Variants in AAK1 observed in about 807,000 individuals in gnomAD.
AAK1 encodes the protein AP2 associated kinase 1.
A neutral mutation model predicts 116.0 loss-of-function variants in AAK1; 37 were observed. The ratio of observed to expected loss-of-function variants is 0.32; its 90% CI spans 0.25 to 0.42. The LOEUF (loss-of-function observed/expected upper bound fraction) is 0.42, where lower values mean the gene tolerates loss of function less well. Ranked by LOEUF, AAK1 falls within the 10% of genes least tolerant of loss-of-function variation. The pLI is 1.00. For missense variants in AAK1, 919 were observed against 1,170.6 expected, an observed-to-expected ratio of 0.79 and a Z score of 3.14; for synonymous variants, 458 against 439.9, an observed-to-expected ratio of 1.04 and a Z score of -0.51.
At chr2:69,623,919 G>A (rs1236759544) in intron 2 of AAK1, among the ~76,000 whole-genome samples, 1 of 152,098 alleles carries the variant, frequency 6.6e-6, no homozygotes, top group African/African-American at 2.4e-5. Context: ...TCTTAAATAT[G>A]TAAAGAACTC....
chr2:69,476,348 G>C (rs770318905), intron 21 of AAK1, among the ~76,000 whole-genome samples: 2 of 152,040 alleles, frequency 1.3e-5, no homozygotes, highest in Non-Finnish European at 2.9e-5. Flanking sequence ...TTTGCTTTGG[G>C]GAGAAACTAG....
intron 3 of AAK1, among the ~76,000 whole-genome samples, chr2:69,553,437 G>GTTTTTTTTTTT (rs70954350): frequency 2.5e-5 from 2 of 79,598 alleles, no homozygotes; most frequent in African/African-American, 1.1e-4. Flanking sequence ...ATTGAAAGTT[G>GTTTTTTTTTTT]TTTTTTTTTT....
At chr2:69,570,374 A>T (rs1290772502) in intron 2 of AAK1, among the ~76,000 whole-genome samples, 2 of 151,642 alleles carry the variant, frequency 1.3e-5, no homozygotes, top group East Asian at 3.9e-4. Context: ...AGTCACCCAA[A>T]TTTTCAGATT....
chr2:69,532,027 G>A lies in AAK1; in HGVS notation c.656+14C>T. The A allele has an allele frequency of 1.2e-6, 2 of 1,612,284 alleles. No homozygotes were observed. The highest frequency in any genetic ancestry group is 1.1e-5 in the South Asian group (1 of 91,028). On this transcript the variant is annotated intron_variant, in intron 6 of 21. Transcript: ENST00000409085. ...GATTGTGGACAAAACTCCATGAAAGGAGAAAAAGCTTACTTCTTAATCTCA... is the reference window on the plus strand; with the variant it reads ...GATTGTGGACAAAACTCCATGAAAGAAGAAAAAGCTTACTTCTTAATCTCA...
chr2:69,541,378 G>A (rs967921630), intron 5 of AAK1, among the ~76,000 whole-genome samples: 3 of 151,788 alleles, frequency 2.0e-5, no homozygotes, highest in African/African-American at 7.3e-5. Context: ...CTATAGGCAT[G>A]CGCTACTACA....
chr2:69,567,079 T>A (rs1198052410), intron 2 of AAK1, among the ~76,000 whole-genome samples: 14 of 152,232 alleles, frequency 9.2e-5, no homozygotes, highest in Non-Finnish European at 5.9e-5. Flanking sequence ...ACCTAGCTCA[T>A]ACACCTCCAC....
chr2:69,471,097 C>CTATG lies in AAK1; in HGVS notation c.*4768_*4771dup. On this transcript the variant is annotated 3_prime_UTR_variant, in exon 22 of 22. Transcript: ENST00000409085. Reference sequence around the variant, plus strand: ...TTCTTGGGAAGGACGCGTTAAAGACCTATGATAAACACACATCCACATGAC... The same window carrying CTATG: ...TTCTTGGGAAGGACGCGTTAAAGACCTATGTATGATAAACACACATCCACATGAC... The CTATG allele has an allele frequency of 1.0e-6, 1 of 985,748 alleles. No individual in the cohort carries two copies. The highest frequency in any genetic ancestry group is 1.2e-6 in the Non-Finnish European group (1 of 829,920). 61.1% of individuals were successfully genotyped at this position (985,748 alleles called of 1,614,324 possible).
Position 69,530,624 on chromosome 2 carries a change from C to A in AAK1, c.738+1G>T. On this transcript the variant is annotated splice_donor_variant, in intron 7 of 21. Coordinates refer to ENST00000409085, the MANE Select transcript of AAK1 (RefSeq NM_014911.5). LOFTEE classifies it high-confidence loss of function. ...GTATGGATAGGTTACCTGACACCTACCCAAATGTCTGCCTTCGTAGTGATG... is the reference window on the plus strand; with the variant it reads ...GTATGGATAGGTTACCTGACACCTAACCAAATGTCTGCCTTCGTAGTGATG... 1 of 1,612,278 alleles carries A rather than the reference C, an allele frequency of 6.2e-7. No homozygotes were observed. The highest frequency in any genetic ancestry group is 8.5e-7 in the Non-Finnish European group (1 of 1,178,430).
intron 2 of AAK1, among the ~76,000 whole-genome samples, chr2:69,612,209 G>A (rs535919303): frequency 6.6e-6 from 1 of 152,008 alleles, no homozygotes; most frequent in East Asian, 1.9e-4. Context: ...CTGTTAGAGA[G>A]AAAAAAAATA....
intron 2 of AAK1, among the ~76,000 whole-genome samples, chr2:69,600,771 A>G (rs1284978167): frequency 8.5e-5 from 13 of 152,334 alleles, no homozygotes; most frequent in Non-Finnish European, 2.9e-5. Context: ...AATGCTATCA[A>G]ACAGGATCAA....
intron 16 of AAK1, among the ~76,000 whole-genome samples, chr2:69,504,434 G>A (rs530113704): frequency 3.1e-4 from 45 of 143,702 alleles, no homozygotes; most frequent in African/African-American, 1.1e-3. Context: ...GCATATCAGA[G>A]TCTCAGAGTC....
At chr2:69,531,390 G>T (rs1247117488) in intron 6 of AAK1, among the ~76,000 whole-genome samples, 1 of 152,172 alleles carries the variant, frequency 6.6e-6, no homozygotes, top group Non-Finnish European at 1.5e-5. Context: ...GGTGACGCAT[G>T]AAAGGACAGA....
rs1349750853 is a variant in AAK1 at position 69,459,313 on chromosome 2, G to C, written c.*16556C>G. 1.3e-5 allele frequency: 2 copies of C among 152,226 alleles called. No individual in the cohort carries two copies. The highest frequency in any genetic ancestry group is 2.9e-5 in the Non-Finnish European group (2 of 68,104). The allele number at this position is 152,226 out of a possible 1,614,324, so 9.4% of individuals were successfully genotyped here. A position where few individuals can be genotyped will look rare whatever the true frequency, so the allele number is the denominator to read the frequency against. On this transcript the variant is annotated 3_prime_UTR_variant, in exon 22 of 22. Transcript: ENST00000409085. ...GGGTCTGGCTCTATTGCCTGGGCTG[G>C]AGTGCAGTGACACGATCTTGGCTTA...
At position 69,475,233 on chromosome 2, in the gene AAK1, T is replaced by C. The variant is rs1187728978; in HGVS notation, c.*636A>G. The stretch of plus-strand genomic sequence containing the variant: ...AGGTTGCATGGGGTGTAAAATCCCT[T>C]GGCTAAGTCTATGATCAAACAAGGT... On this transcript the variant is annotated 3_prime_UTR_variant, in exon 22 of 22. Coordinates refer to ENST00000409085, the MANE Select transcript of AAK1 (RefSeq NM_014911.5). 3 of 985,806 alleles carry C rather than the reference T, an allele frequency of 3.0e-6. No individual in the cohort carries two copies. In the African/African-American group the frequency reaches 5.2e-5, roughly 17 times the overall value. 61.1% of individuals were successfully genotyped at this position (985,806 alleles called of 1,614,324 possible).
chr2:69,505,741 G>A (rs945078833), intron 15 of AAK1, 68 bp from the exon 16 acceptor site: 12 of 1,228,092 alleles, frequency 9.8e-6, no homozygotes, highest in Non-Finnish European at 1.4e-5. Context: ...CATGGCAGAG[G>A]TAAGGGGCAT....
intron 16 of AAK1, among the ~76,000 whole-genome samples, chr2:69,498,695 G>A (rs1675852080): frequency 6.6e-6 from 1 of 152,240 alleles, no homozygotes; most frequent in Non-Finnish European, 1.5e-5. Context: ...GCAAAGGTGG[G>A]ATTGCTGGAT....
At chr2:69,507,600 C>G in intron 14 of AAK1, 22 bp from the exon 15 acceptor site, 1 of 1,545,774 alleles carries the variant, frequency 6.5e-7, no homozygotes, top group Non-Finnish European at 8.7e-7. Context: ...CCCACCCCCA[C>G]GAAACAAAAA....
rs769392097 is a variant in AAK1, at chr2:69,530,695, A to G, written c.668T>C (p.Leu223Pro). Residue 223 changes from leucine (L) to proline (P), a missense_variant, in exon 7 of 22, where the codon CTG becomes CCG. Leu to Pro is a moderately conservative substitution (Grantham distance 98, BLOSUM62 -3). Transcript: ENST00000409085. ...VEDEIKKYTTLSYRAPEMVNL... is the reference protein window; with the variant it reads ...VEDEIKKYTTPSYRAPEMVNL... ...GACCATTTCTGGTGCTCGATAGGAC[A>G]GCGTTGTGTATCTACAATCAAGAGA... 2.5e-6 allele frequency: 4 copies of G among 1,612,636 alleles called. No individual in the cohort carries two copies. The highest frequency in any genetic ancestry group is 4.5e-5 in the East Asian group (2 of 44,856).
chr2:69,534,768 C>T (rs1670393227), intron 5 of AAK1, among the ~76,000 whole-genome samples: 1 of 152,234 alleles, frequency 6.6e-6, no homozygotes. Context: ...GCAGAGTGAG[C>T]AGTTATGACA....
Sources: gnomAD v4.1 joint callset for allele counts (sites outside exome capture counted in the v4.1 genomes callset) on GRCh38, gnomAD v4.1.1 for gene constraint, MANE v1.5 for transcripts, NCBI Gene and HGNC (gene_info 2026-07-23, HGNC 2026-07-21) for gene names.